KAZN: variants seen among roughly 807,000 people sequenced by gnomAD.
KAZN encodes the protein kazrin, periplakin interacting protein, also known as kazrin.
In KAZN, 40 loss-of-function variants were observed where a neutral mutation model predicts 87.4. The ratio of observed to expected loss-of-function variants is 0.46; its 90% CI spans 0.36 to 0.60. The LOEUF (loss-of-function observed/expected upper bound fraction) is 0.60. Ranked by LOEUF, KAZN falls within the 20% of genes least tolerant of loss-of-function variation. The probability of loss-of-function intolerance (pLI) is 0.00; values close to 1 mark genes in which losing one functional copy is unlikely to be tolerated. For synonymous variants in KAZN, 466 were observed against 458.3 expected, an observed-to-expected ratio of 1.02 and a Z score of -0.22; for missense variants, 898 against 1,073.9, an observed-to-expected ratio of 0.84 and a Z score of 2.29.
chr1:14,326,831 G>C (rs1158967834), intron 2 of KAZN, among the ~76,000 whole-genome samples: 2 of 152,132 alleles, frequency 1.3e-5, no homozygotes. Context: ...ATAAGCTTGT[G>C]ACCTTCTCCG....
chr1:14,448,909 A>C (rs1157401278), intron 2 of KAZN, among the ~76,000 whole-genome samples: 1 of 152,206 alleles, frequency 6.6e-6, no homozygotes, highest in Non-Finnish European at 1.5e-5. Context: ...TGAGAACTGG[A>C]GGAAGCTAGA....
intron 1 of KAZN, among the ~76,000 whole-genome samples, chr1:14,905,907 G>A (rs1656492636): frequency 6.7e-6 from 1 of 148,998 alleles, no homozygotes; most frequent in Non-Finnish European, 1.5e-5. Flanking sequence ...GGTGGCTCAT[G>A]CCTGTAATCA....
At chr1:14,355,932 T>A (rs1019060370) in intron 2 of KAZN, among the ~76,000 whole-genome samples, 1 of 152,168 alleles carries the variant, frequency 6.6e-6, no homozygotes. Flanking sequence ...TTATAATACT[T>A]TGGGTATATA....
chr1:13,945,710 TGA>T lies in KAZN; in HGVS notation c.91+51979_91+51980del, dbSNP rs200937986. ...GTGTGTGTGTGTGTGTGTGTGTGTG[TGA>T]GAGAGAGAGAGAGAGAGAGAGAGAA... On this transcript the variant is annotated intron_variant, in intron 1 of 16. Transcript: ENST00000636203. Among the ~76,000 whole-genome samples, 1,429 of 137,166 alleles carry T rather than the reference TGA, an allele frequency of 0.01. 91 individuals carry two copies. The East Asian group carries it at 0.19, about 19-fold the overall frequency. 90.0% of individuals were successfully genotyped at this position (137,166 alleles called of 152,430 possible).
chr1:13,910,613 C>T (rs1639619790), intron 1 of KAZN, among the ~76,000 whole-genome samples: 1 of 152,170 alleles, frequency 6.6e-6, no homozygotes, highest in South Asian at 2.1e-4. Context: ...TTTCCTGAGG[C>T]TTCCCCAGAA....
At position 15,020,639 on chromosome 1, in the gene KAZN, G is replaced by A. The variant is rs143145240; in HGVS notation, c.419-14110G>A. Reference sequence around the variant, plus strand: ...CTCACCAGGTCAAGCCATCCACCATGTGAAGGGATCACAGTGGCTGCGGCC... The same window carrying A: ...CTCACCAGGTCAAGCCATCCACCATATGAAGGGATCACAGTGGCTGCGGCC... On this transcript the variant is annotated intron_variant, in intron 2 of 14. Transcript: ENST00000376030. Among the ~76,000 whole-genome samples the A allele has an allele frequency of 9.3e-3, 1,415 of 152,300 alleles. 24 individuals carry two copies. Among genetic ancestry groups the A allele is most frequent in the African/African-American group, 0.033 (1,360 of 41,568 alleles).
Position 13,963,759 on chromosome 1 carries a change from CTGTGTGTGTGTGTGTGTGTGTGTGTGTG to C in KAZN, c.91+70021_91+70048del, listed in dbSNP as rs70987708. 4.2e-5 allele frequency among the ~76,000 whole-genome samples: 6 copies of C among 142,006 alleles called. No individual in the cohort carries two copies. In the South Asian group the frequency reaches 1.4e-3, roughly 34 times the overall value. 93.2% of individuals were successfully genotyped at this position (142,006 alleles called of 152,430 possible). A position where few individuals can be genotyped will look rare whatever the true frequency, so the allele number is the denominator to read the frequency against. The stretch of plus-strand genomic sequence containing the variant: ...AAGGGTTAAATGTTTCTGCTGTGGT[CTGTGTGTGTGTGTGTGTGTGTGTGTGTG>C]TGTGTGTGTGTGTGTGTAGGGGTAG... On this transcript the variant is annotated intron_variant, in intron 1 of 16. Transcript: ENST00000636203.
At position 14,197,497 on chromosome 1, in the gene KAZN, G is replaced by A. The variant is rs7512835; in HGVS notation, c.249+16905G>A. Among the ~76,000 whole-genome samples the A allele has an allele frequency of 4.0e-3, 610 of 151,484 alleles. 4 individuals carry two copies. Among genetic ancestry groups the A allele is most frequent in the African/African-American group, 0.014 (584 of 41,208 alleles). On this transcript the variant is annotated intron_variant, in intron 2 of 16. Transcript: ENST00000636203. ...GAGGTCAGGAGTTCTAGACCAGCCTGGCCAACATGGCAAAACCCTGTCTCT... is the reference window on the plus strand; with the variant it reads ...GAGGTCAGGAGTTCTAGACCAGCCTAGCCAACATGGCAAAACCCTGTCTCT...
At chr1:15,061,636 C>T (rs1638807056) in intron 6 of KAZN, 1 of 152,220 alleles carries the variant, frequency 6.6e-6, no homozygotes, top group Admixed American at 6.5e-5. Context: ...TCTCCTGCCT[C>T]AGCCTCCCGA....
At chr1:14,756,735 G>A (rs1365391870) in intron 1 of KAZN, among the ~76,000 whole-genome samples, 3 of 152,150 alleles carry the variant, frequency 2.0e-5, no homozygotes, top group Non-Finnish European at 2.9e-5. Context: ...AATATACCAG[G>A]CATTGTGAAT....
intron 1 of KAZN, among the ~76,000 whole-genome samples, chr1:14,660,225 G>A (rs954990478): frequency 1.3e-5 from 2 of 152,126 alleles, no homozygotes; most frequent in East Asian, 3.9e-4. Flanking sequence ...CCCATAACCG[G>A]GCAATGGACC....
At chr1:14,329,535 T>TG (rs1190311418) in intron 2 of KAZN, among the ~76,000 whole-genome samples, 2 of 152,184 alleles carry the variant, frequency 1.3e-5, no homozygotes, top group African/African-American at 4.8e-5. Flanking sequence ...AAAATGTGGG[T>TG]GTGCAATTGG....
intron 1 of KAZN, among the ~76,000 whole-genome samples, chr1:14,697,391 C>T (rs1641677055): frequency 8.5e-5 from 13 of 152,124 alleles, no homozygotes; most frequent in Admixed American, 8.5e-4. Flanking sequence ...GGTCAAAGCA[C>T]ATACTGGCCA....
chr1:14,875,884 G>C (rs1288743092), intron 1 of KAZN, among the ~76,000 whole-genome samples: 1 of 152,182 alleles, frequency 6.6e-6, no homozygotes, highest in Non-Finnish European at 1.5e-5. Flanking sequence ...TCCTGGAAGG[G>C]GGTAGATTTC....
At position 14,713,953 on chromosome 1, in the gene KAZN, C is replaced by T. The variant is rs140380498; in HGVS notation, c.226+114730C>T. 7.3e-3 allele frequency among the ~76,000 whole-genome samples: 1,109 copies of T among 152,116 alleles called. 8 individuals are homozygous for T. Among genetic ancestry groups the T allele is most frequent in the Middle Eastern group, 0.044 (13 of 294 alleles). On this transcript the variant is annotated intron_variant, in intron 1 of 14. Coordinates refer to ENST00000376030, the MANE Select transcript of KAZN (RefSeq NM_201628.3). ...CCCGGGCAACAGAGCGAGATCCTGTCTCAAGAAACAAAAGAAAGAAAGAAA... is the reference window on the plus strand; with the variant it reads ...CCCGGGCAACAGAGCGAGATCCTGTTTCAAGAAACAAAAGAAAGAAAGAAA...
intron 2 of KAZN, among the ~76,000 whole-genome samples, chr1:14,201,630 A>G (rs1646642221): frequency 1.3e-5 from 2 of 152,192 alleles, no homozygotes; most frequent in South Asian, 4.1e-4. Context: ...AACTCACTCA[A>G]TCTAAGAAAG....
Position 14,849,655 on chromosome 1 carries a change from A to G in KAZN, c.227-111029A>G, listed in dbSNP as rs1379259049. 2.0e-5 allele frequency among the ~76,000 whole-genome samples: 3 copies of G among 152,212 alleles called. No homozygotes were observed. The East Asian group carries it at 5.8e-4, about 29-fold the overall frequency. On this transcript the variant is annotated intron_variant, in intron 1 of 14. Transcript: ENST00000376030. ...ACCTAGCCTTCCTGTCGGTATTTCT[A>G]TGCTCCCAGAAAGGACACATTTAAG...
chr1:14,441,208 C>T (rs977324521), intron 2 of KAZN, among the ~76,000 whole-genome samples: 1 of 152,032 alleles, frequency 6.6e-6, no homozygotes, highest in Non-Finnish European at 1.5e-5. Context: ...CTTCTTATAG[C>T]TTATGATAGG....
rs573478377 is a variant in KAZN, at chr1:14,375,641, C to T, written c.249+195049C>T. On this transcript the variant is annotated intron_variant, in intron 2 of 16. Coordinates refer to the KAZN transcript ENST00000636203. ...GTGGCTCACACCTGTAATCCCAGCACTTTGGGAGGCCGAGGTGGGCGGATC... is the reference window on the plus strand; with the variant it reads ...GTGGCTCACACCTGTAATCCCAGCATTTTGGGAGGCCGAGGTGGGCGGATC... Among the ~76,000 whole-genome samples the T allele has an allele frequency of 5.3e-5, 8 of 152,278 alleles. No homozygotes were observed. In the South Asian group the frequency reaches 1.7e-3, roughly 32 times the overall value.
Sources: gnomAD v4.1 joint callset for allele counts (sites outside exome capture counted in the v4.1 genomes callset) on GRCh38, gnomAD v4.1.1 for gene constraint, MANE v1.5 for transcripts, NCBI Gene and HGNC (gene_info 2026-07-23, HGNC 2026-07-21) for gene names.